The following CUL1 variants were observed in gnomAD, a reference collection of about 807,000 sequenced individuals.
CUL1 encodes the protein cullin-1.
Under a neutral mutation model 118.0 loss-of-function variants are expected in CUL1, and 24 were observed. The observed-to-expected ratio is 0.20, with a 90% CI of 0.15 to 0.29. The LOEUF (loss-of-function observed/expected upper bound fraction) is 0.29. CUL1 is among the 10% of genes least tolerant of loss of function. The probability of loss-of-function intolerance (pLI) is 1.00; values close to 1 mark genes in which losing one functional copy is unlikely to be tolerated. For missense variants in CUL1, 361 were observed against 933.8 expected, an observed-to-expected ratio of 0.39 and a Z score of 7.99; for synonymous variants, 332 against 340.4, an observed-to-expected ratio of 0.98 and a Z score of 0.27.
At chr7:148,767,836 T>G in intron 9 of CUL1, 87 bp downstream of exon 9, 1 of 1,319,926 alleles carries the variant, frequency 7.6e-7, no homozygotes, top group South Asian at 1.3e-5. Context: ...TACTTCCAAA[T>G]CTAAATGGTA....
intron 1 of CUL1, among the ~76,000 whole-genome samples, 177 bp downstream of exon 1, chr7:148,699,206 C>T (rs79792179): frequency 0.015 from 2,233 of 152,004 alleles, 70 homozygotes; most frequent in African/African-American, 0.052. Flanking sequence ...CCGGGGGACT[C>T]GTGGGCGGAG....
intron 3 of CUL1, among the ~76,000 whole-genome samples, chr7:148,755,511 C>CT (rs1464130684): frequency 6.6e-6 from 1 of 152,170 alleles, no homozygotes; most frequent in Non-Finnish European, 1.5e-5. Context: ...TAAGTTGTGA[C>CT]TAGTGTATTA....
intron 1 of CUL1, among the ~76,000 whole-genome samples, chr7:148,702,644 G>A (rs775001032): frequency 2.0e-5 from 3 of 152,164 alleles, no homozygotes; most frequent in Non-Finnish European, 4.4e-5. Context: ...ATGCTTCAGC[G>A]CTATTGCAGT....
rs547121284 is a variant in CUL1 at position 148,787,601 on chromosome 7, G to A, written c.1479+481G>A. ...ATCACTCTACTCTCGTTGGGCCCCGGTGCCTTCCCAACCCCTTCCCCACCC... is the reference window on the plus strand; with the variant it reads ...ATCACTCTACTCTCGTTGGGCCCCGATGCCTTCCCAACCCCTTCCCCACCC... On this transcript the variant is annotated intron_variant, in intron 13 of 21. Coordinates refer to ENST00000325222, the MANE Select transcript of CUL1 (RefSeq NM_003592.3). The surrounding 1 kb of genome is among the most constrained non-coding windows in gnomAD (Gnocchi z 5.5). Among the ~76,000 whole-genome samples, 14 of 152,260 alleles carry A rather than the reference G, an allele frequency of 9.2e-5. No homozygotes were observed. In the East Asian group the frequency reaches 2.7e-3, roughly 29 times the overall value.
chr7:148,795,536 G>A (rs1449923357), intron 17 of CUL1, among the ~76,000 whole-genome samples: 1 of 152,062 alleles, frequency 6.6e-6, no homozygotes, highest in Non-Finnish European at 1.5e-5. Flanking sequence ...GGAGCCCGAG[G>A]CGGGCGGATC....
At chr7:148,749,029 A>G (rs1010980998) in intron 2 of CUL1, among the ~76,000 whole-genome samples, 5 of 152,220 alleles carry the variant, frequency 3.3e-5, no homozygotes, top group Admixed American at 2.0e-4. Context: ...TCCATGTAGT[A>G]TGAACATTTT....
intron 9 of CUL1, among the ~76,000 whole-genome samples, chr7:148,779,505 A>G (rs2129462084): frequency 6.6e-6 from 1 of 152,352 alleles, no homozygotes; most frequent in East Asian, 1.9e-4. Context: ...TCCCAGACAC[A>G]ACAAAGCCCC....
intron 2 of CUL1, among the ~76,000 whole-genome samples, chr7:148,748,718 G>C (rs1232289213): frequency 1.3e-5 from 2 of 151,952 alleles, no homozygotes; most frequent in Admixed American, 6.6e-5. Flanking sequence ...TGAAATAATG[G>C]CCCCCCCGTT....
chr7:148,780,023 G>A (rs1008296267), intron 9 of CUL1, among the ~76,000 whole-genome samples: 5 of 152,192 alleles, frequency 3.3e-5, no homozygotes, highest in Admixed American at 2.6e-4. Flanking sequence ...TCAGTTTTGG[G>A]ACTTAGACTG....
In CUL1 at chr7:148,800,217, G is replaced by A. The variant is rs539008559; in HGVS notation, c.2251-285G>A. Among the ~76,000 whole-genome samples the A allele has an allele frequency of 6.6e-6, 1 of 152,342 alleles. No homozygotes were observed. Among genetic ancestry groups the A allele is most frequent in the Admixed American group, 6.5e-5 (1 of 15,304 alleles). ...GGCAGGCAGATTTTGGTGGTAGAAA[G>A]GGAGACTGGCCCACGGGGCTCCCGA... On this transcript the variant is annotated intron_variant, in intron 21 of 21. Transcript: ENST00000325222. This position sits in a 1 kb window ranked among gnomAD's most constrained non-coding sequence, Gnocchi z 4.6.
intron 9 of CUL1, among the ~76,000 whole-genome samples, chr7:148,775,893 G>A (rs562933912): frequency 6.0e-5 from 9 of 151,140 alleles, no homozygotes; most frequent in South Asian, 4.2e-4. Flanking sequence ...AGTTCAGGTC[G>A]GTAATGGCCT....
intron 9 of CUL1, among the ~76,000 whole-genome samples, chr7:148,781,762 G>A (rs955527799): frequency 9.9e-5 from 15 of 152,192 alleles, no homozygotes; most frequent in African/African-American, 3.4e-4. Flanking sequence ...CAGGGAAGCC[G>A]TGCAGGCCGA....
At position 148,725,027 on chromosome 7, in the gene CUL1, G is replaced by A. The variant is rs575827080; in HGVS notation, c.-161-4935G>A. Among the ~76,000 whole-genome samples, 2 of 152,156 alleles carry A rather than the reference G, an allele frequency of 1.3e-5. 1 individual carries two copies. The highest frequency in any genetic ancestry group is 4.8e-5 in the African/African-American group (2 of 41,490). On this transcript the variant is annotated intron_variant, in intron 1 of 21. Transcript: ENST00000325222. ...TTTGATGGCTTGATTATAAGATATG[G>A]ATATATAGTTTGTAAAGTAAAATTC...
intron 11 of CUL1, among the ~76,000 whole-genome samples, chr7:148,785,867 A>G (rs1047543562): frequency 2.0e-5 from 3 of 152,154 alleles, no homozygotes; most frequent in African/African-American, 7.2e-5. Flanking sequence ...CAAGAGTGCC[A>G]AGAATAGGGT....
At chr7:148,790,493 C>A in intron 16 of CUL1, 52 bp downstream of exon 16, 1 of 1,483,758 alleles carries the variant, frequency 6.7e-7, no homozygotes. Flanking sequence ...GAACATAAGG[C>A]AAATTATGGA....
At chr7:148,722,307 A>G (rs1370268503) in intron 1 of CUL1, among the ~76,000 whole-genome samples, 4 of 152,000 alleles carry the variant, frequency 2.6e-5, no homozygotes, top group Non-Finnish European at 5.9e-5. Flanking sequence ...TGCCTGCTAC[A>G]TCCTCGGATT....
intron 2 of CUL1, among the ~76,000 whole-genome samples, chr7:148,737,412 A>G (rs1448742319): frequency 6.6e-6 from 1 of 151,998 alleles, no homozygotes; most frequent in African/African-American, 2.4e-5. Context: ...TCAGAAATGC[A>G]CGTACCCACA....
At chr7:148,699,152 A>C (rs1467951932) in intron 1 of CUL1, 123 bp downstream of exon 1, 1 of 152,142 alleles carries the variant, frequency 6.6e-6, no homozygotes, top group Non-Finnish European at 1.5e-5. Flanking sequence ...GCGCCTGGCG[A>C]GGCCTGAGCC....
At chr7:148,704,978 C>T (rs985227771) in intron 1 of CUL1, among the ~76,000 whole-genome samples, 9 of 152,230 alleles carry the variant, frequency 5.9e-5, no homozygotes, top group East Asian at 5.8e-4. Flanking sequence ...GTTTGCCGTA[C>T]TGGCAGCCCC....
Sources: gnomAD v4.1 joint callset for allele counts (sites outside exome capture counted in the v4.1 genomes callset) on GRCh38, gnomAD v4.1.1 for gene constraint, Gnocchi (gnomAD v3.1) non-coding constraint, MANE v1.5 for transcripts, NCBI Gene and HGNC (gene_info 2026-07-23, HGNC 2026-07-21) for gene names.